LRRC38: variants seen among roughly 807,000 people sequenced by gnomAD.
LRRC38 encodes leucine rich repeat containing 38.
LRRC38 carries 5 observed loss-of-function variants against 16.4 expected under a neutral mutation model. The observed-to-expected ratio is 0.31, with a 90% CI of 0.16 to 0.64. The LOEUF (loss-of-function observed/expected upper bound fraction) is 0.64. LRRC38 is among the 30% of genes least tolerant of loss of function. The pLI is 0.80. For missense variants in LRRC38, 341 were observed against 401.8 expected, an observed-to-expected ratio of 0.85 and a Z score of 1.29; for synonymous variants, 191 against 190.2, an observed-to-expected ratio of 1.00 and a Z score of -0.04.
chr1:13,480,259 T>G (rs1638836125), intron 1 of LRRC38, among the ~76,000 whole-genome samples: 1 of 152,170 alleles, frequency 6.6e-6, no homozygotes, highest in South Asian at 2.1e-4. Context: ...GCAAGAGAAT[T>G]GCTTGAACCC....
intron 1 of LRRC38, among the ~76,000 whole-genome samples, chr1:13,493,460 T>C (rs775135937): frequency 3.9e-4 from 60 of 152,268 alleles, no homozygotes; most frequent in African/African-American, 1.4e-3. Flanking sequence ...CTGGAGGAGA[T>C]CCAGGCCGAC....
chr1:13,496,820 C>T (rs965382170), intron 1 of LRRC38, among the ~76,000 whole-genome samples: 1 of 151,958 alleles, frequency 6.6e-6, no homozygotes, highest in South Asian at 2.1e-4. Context: ...TACAAGAGGA[C>T]GAAGAGGAGC....
chr1:13,494,297 G>A (rs1258933448), intron 1 of LRRC38, among the ~76,000 whole-genome samples: 5 of 152,036 alleles, frequency 3.3e-5, no homozygotes, highest in African/African-American at 1.2e-4. Context: ...GTAGCTCAGC[G>A]TGAGCCTCAG....
At chr1:13,499,259 C>T (rs1639119485) in intron 1 of LRRC38, among the ~76,000 whole-genome samples, 1 of 152,084 alleles carries the variant, frequency 6.6e-6, no homozygotes, top group African/African-American at 2.4e-5. Flanking sequence ...CCACCAAACC[C>T]AGCTAATTTT....
chr1:13,492,175 ACTACT>A (rs1639021161), intron 1 of LRRC38, among the ~76,000 whole-genome samples: 1 of 152,166 alleles, frequency 6.6e-6, no homozygotes, highest in Non-Finnish European at 1.5e-5. Flanking sequence ...TGTGAGTTTG[ACTACT>A]CTACGTACTG....
chr1:13,513,383 T>C lies in LRRC38; in HGVS notation c.211A>G (p.Ile71Val). ...LLVAGNRIQR[I>V]PEDFFIFYGD... The stretch of plus-strand genomic sequence containing the variant: ...TAGAAGATGAAGAAGTCCTCGGGGA[T>C]CCGCTGGATGCGGTTGCCGGCCACC... The change falls in exon 1 of 2, where the codon ATC becomes GTC. Residue 71 changes from isoleucine to valine, a missense_variant. Transcript: ENST00000376085. 6.4e-7 allele frequency: 1 copy of C among 1,550,618 alleles called. No individual in the cohort carries two copies. Among genetic ancestry groups the C allele is most frequent in the Non-Finnish European group, 8.7e-7 (1 of 1,146,952 alleles).
intron 1 of LRRC38, among the ~76,000 whole-genome samples, chr1:13,481,398 T>TG (rs776064034): frequency 0.027 from 4,016 of 149,738 alleles, 72 homozygotes; most frequent in Non-Finnish European, 0.038. Flanking sequence ...TTTTTTTTTT[T>TG]GTTCTTTTTT....
chr1:13,512,093 G>A (rs1194016682), intron 1 of LRRC38, among the ~76,000 whole-genome samples: 3 of 152,202 alleles, frequency 2.0e-5, no homozygotes, highest in African/African-American at 7.2e-5. Flanking sequence ...TGCGGGCACT[G>A]GTGCTCACAG....
chr1:13,508,752 G>A (rs960048939), intron 1 of LRRC38, among the ~76,000 whole-genome samples: 1 of 152,200 alleles, frequency 6.6e-6, no homozygotes, highest in South Asian at 2.1e-4. Context: ...AAGGACCAGT[G>A]TGACCTTCAG....
At chr1:13,480,253 G>A (rs1459832336) in intron 1 of LRRC38, among the ~76,000 whole-genome samples, 1 of 152,258 alleles carries the variant, frequency 6.6e-6, no homozygotes, top group African/African-American at 2.4e-5. Context: ...GCTGAGGCAA[G>A]AGAATTGCTT....
chr1:13,477,071 C>CG (rs1219101750), intron 1 of LRRC38, among the ~76,000 whole-genome samples: 5 of 152,094 alleles, frequency 3.3e-5, no homozygotes, highest in African/African-American at 9.7e-5. Flanking sequence ...CCCCACTGCA[C>CG]TCTAGACTGG....
intron 1 of LRRC38, among the ~76,000 whole-genome samples, chr1:13,510,536 G>A (rs931231710): frequency 9.2e-5 from 14 of 152,006 alleles, no homozygotes; most frequent in Non-Finnish European, 1.6e-4. Flanking sequence ...ATGAGGAAAC[G>A]GGTACAAAAA....
chr1:13,486,770 T>C (rs1463157968), intron 1 of LRRC38, among the ~76,000 whole-genome samples: 2 of 152,048 alleles, frequency 1.3e-5, no homozygotes, highest in Admixed American at 6.6e-5. Context: ...TTTGTATTTT[T>C]AGTAGAGACG....
Position 13,475,954 on chromosome 1 carries a change from G to A in LRRC38, c.777C>T (p.Ser259=), listed in dbSNP as rs553408605. ...AGAAGCTGGAGATGATGGCCGCAAT[G>A]GACACGGCCACACCGGAGAAAATGA... ...CIIIFSGVAV[S]IAAIISSFFL... is the part of the protein sequence containing the mutation. Residue 259 remains serine, a synonymous_variant, in exon 2 of 2, where the codon TCC becomes TCT. Coordinates refer to ENST00000376085, the MANE Select transcript of LRRC38 (RefSeq NM_001010847.2). This position sits in a 1 kb window ranked among gnomAD's most constrained non-coding sequence, Gnocchi z 4.3. 1.9e-6 allele frequency: 3 copies of A among 1,550,566 alleles called. No homozygotes were observed. Among genetic ancestry groups the A allele is most frequent in the Non-Finnish European group, 2.6e-6 (3 of 1,146,984 alleles).
chr1:13,500,434 A>G (rs1433196745), intron 1 of LRRC38, among the ~76,000 whole-genome samples: 1 of 152,228 alleles, frequency 6.6e-6, no homozygotes, highest in Non-Finnish European at 1.5e-5. Flanking sequence ...CTGTTTCACT[A>G]AGCCACACTG....
intron 1 of LRRC38, among the ~76,000 whole-genome samples, chr1:13,511,965 C>G (rs1028720535): frequency 6.6e-6 from 1 of 152,222 alleles, no homozygotes; most frequent in Non-Finnish European, 1.5e-5. Flanking sequence ...AAAAAATATT[C>G]TGAAGCTAAA....
In LRRC38 at chr1:13,487,337, ATG is replaced by A. The variant is rs1347970892; in HGVS notation, c.632-11240_632-11239del. On this transcript the variant is annotated intron_variant, in intron 1 of 1. Transcript: ENST00000376085. The surrounding 1 kb of genome is among the most constrained non-coding windows in gnomAD (Gnocchi z 4.4). ...CTGGGTCCTGTTGTTCTATAAAACCATGTGCTTGGTGGCATGAGGGCTTTGGG... is the reference window on the plus strand; with the variant it reads ...CTGGGTCCTGTTGTTCTATAAAACCATGCTTGGTGGCATGAGGGCTTTGGG... 1.3e-5 allele frequency among the ~76,000 whole-genome samples: 2 copies of A among 152,214 alleles called. No homozygotes were observed. Among genetic ancestry groups the A allele is most frequent in the Admixed American group, 1.3e-4 (2 of 15,282 alleles).
At chr1:13,490,116 T>C (rs770375132) in intron 1 of LRRC38, among the ~76,000 whole-genome samples, 2 of 152,144 alleles carry the variant, frequency 1.3e-5, no homozygotes, top group South Asian at 2.1e-4. Context: ...GTCCTTCCCC[T>C]GGTAAGAAAG....
At chr1:13,490,426 T>C (rs1638996127) in intron 1 of LRRC38, among the ~76,000 whole-genome samples, 2 of 152,210 alleles carry the variant, frequency 1.3e-5, no homozygotes, top group African/African-American at 4.8e-5. Flanking sequence ...CCCAAAGTGC[T>C]GGGATTACAG....
Sources: gnomAD v4.1 joint callset for allele counts (sites outside exome capture counted in the v4.1 genomes callset) on GRCh38, gnomAD v4.1.1 for gene constraint, Gnocchi (gnomAD v3.1) non-coding constraint, MANE v1.5 for transcripts, NCBI Gene and HGNC (gene_info 2026-07-23, HGNC 2026-07-21) for gene names.